GPHN: variants seen among roughly 807,000 people sequenced by gnomAD.
GPHN encodes the protein gephyrin.
GPHN carries 17 observed loss-of-function variants against 95.5 expected under a neutral mutation model. That is an observed-to-expected ratio of 0.18 (90% confidence interval 0.12 to 0.27). GPHN has a LOEUF of 0.27. Ranked by LOEUF, GPHN falls within the 10% of genes least tolerant of loss-of-function variation. The probability of loss-of-function intolerance (pLI) is 1.00; values close to 1 mark genes in which losing one functional copy is unlikely to be tolerated. For missense variants in GPHN, 660 were observed against 978.1 expected (o/e 0.67, Z 4.34); for synonymous variants, 320 against 322.5 (o/e 0.99, Z 0.08).
At chr14:67,284,572 A>C in the GPHN span, among the ~76,000 whole-genome samples, 1 of 144,304 alleles carries the variant, frequency 6.9e-6, no homozygotes, top group African/African-American at 2.5e-5. Context: ...AAAAAAAAAA[A>C]AAAAAAAAAA....
chr14:67,685,173 A>G, the GPHN span: 1 of 1,614,116 alleles, frequency 6.2e-7, no homozygotes, highest in Non-Finnish European at 8.5e-7. Context: ...GGACTGTGCC[A>G]GGGTGTACAG....
intron 1 of GPHN, among the ~76,000 whole-genome samples, chr14:66,586,962 T>C (rs1318583271): frequency 2.0e-5 from 3 of 152,032 alleles, no homozygotes; most frequent in African/African-American, 4.8e-5. Context: ...CAAAACAGAA[T>C]TGATTTTTTC....
At chr14:67,041,129 A>G (rs1197943092) in intron 10 of GPHN, among the ~76,000 whole-genome samples, 1 of 152,078 alleles carries the variant, frequency 6.6e-6, no homozygotes, top group Non-Finnish European at 1.5e-5. Flanking sequence ...ATTTATTCTC[A>G]GGCCAGCATA....
chr14:66,773,973 T>C (rs1015784652), intron 2 of GPHN, among the ~76,000 whole-genome samples: 2 of 150,552 alleles, frequency 1.3e-5, no homozygotes, highest in African/African-American at 4.9e-5. Context: ...CATAAGGTAA[T>C]TGAGCATCAT....
chr14:66,508,195 C>T lies in GPHN; in HGVS notation c.-333C>T, dbSNP rs1375769177. 1.6e-5 allele frequency: 8 copies of T among 501,210 alleles called. No individual in the cohort carries two copies. The highest frequency in any genetic ancestry group is 2.6e-5 in the Non-Finnish European group (7 of 274,032). 31.0% of individuals were successfully genotyped at this position (501,210 alleles called of 1,614,324 possible). ...TAGCTGCCTTGGGTCTCGCGCTCCG[C>T]AGAGCGTTCCGACACTCTCCGGCCT... On this transcript the variant is annotated 5_prime_UTR_variant, in exon 1 of 23. Transcript: ENST00000478722.
the GPHN span, among the ~76,000 whole-genome samples, chr14:67,395,941 C>G: frequency 6.6e-6 from 1 of 152,256 alleles, no homozygotes; most frequent in Non-Finnish European, 1.5e-5. Flanking sequence ...CCCATCTGAA[C>G]ACAAACCCCA....
chr14:67,066,826 C>T (rs888000533), intron 11 of GPHN, among the ~76,000 whole-genome samples: 1 of 152,134 alleles, frequency 6.6e-6, no homozygotes, highest in Non-Finnish European at 1.5e-5. Flanking sequence ...ATTAGCCATT[C>T]GTCTAACCTT....
At chr14:66,664,697 G>T (rs2065847902) in intron 1 of GPHN, among the ~76,000 whole-genome samples, 1 of 151,764 alleles carries the variant, frequency 6.6e-6, no homozygotes, top group Non-Finnish European at 1.5e-5. Flanking sequence ...TCCAGGAGTT[G>T]TTTTTTTGAA....
At chr14:67,566,842 G>T in the GPHN span, among the ~76,000 whole-genome samples, 1 of 152,056 alleles carries the variant, frequency 6.6e-6, no homozygotes, top group Non-Finnish European at 1.5e-5. Flanking sequence ...GAGGAATGGG[G>T]AGACGAGGAG....
the GPHN span, among the ~76,000 whole-genome samples, chr14:67,500,635 G>T: frequency 9.9e-4 from 147 of 148,502 alleles, 2 homozygotes; most frequent in Middle Eastern, 3.5e-3. Context: ...GCAGTGGCGC[G>T]ATCTCGGCTC....
intron 5 of GPHN, among the ~76,000 whole-genome samples, chr14:66,892,424 A>G (rs75501429): frequency 1.3e-5 from 2 of 152,288 alleles, no homozygotes; most frequent in East Asian, 3.9e-4. Flanking sequence ...CTGTCTCTTA[A>G]AGAATTGAAA....
At chr14:67,685,275 G>A in the GPHN span, 1 of 1,285,834 alleles carries the variant, frequency 7.8e-7, no homozygotes, top group South Asian at 1.4e-5. Flanking sequence ...AACAGAAAAG[G>A]ATGTAAATAA....
At chr14:66,631,264 G>C (rs1478708599) in intron 1 of GPHN, among the ~76,000 whole-genome samples, 1 of 151,880 alleles carries the variant, frequency 6.6e-6, no homozygotes, top group Non-Finnish European at 1.5e-5. Flanking sequence ...GGTCGGGCTG[G>C]TCTTGAACTC....
chr14:66,987,885 G>T (rs544332151), intron 9 of GPHN, among the ~76,000 whole-genome samples: 2 of 152,044 alleles, frequency 1.3e-5, no homozygotes, highest in South Asian at 4.1e-4. Context: ...AAGGAAAACC[G>T]AAAAGAGAAC....
chr14:67,519,335 C>T, the GPHN span, among the ~76,000 whole-genome samples: 3 of 152,158 alleles, frequency 2.0e-5, no homozygotes, highest in Non-Finnish European at 4.4e-5. Flanking sequence ...AAAACAAGCT[C>T]GAAAGGACTA....
chr14:67,179,672 C>T lies in GPHN; in HGVS notation c.2174C>T (p.Thr725Ile). Reference sequence around the variant, plus strand: ...GAACCACTACCTTGGGCACAGAGTACAGGTTAGTCATTCACATCTACAGAT... The same window carrying T: ...GAACCACTACCTTGGGCACAGAGTATAGGTTAGTCATTCACATCTACAGAT... ...HQEPLPWAQS[T>I]GNQMSSRLMS... is the part of the protein sequence containing the mutation. Residue 725 changes from threonine to isoleucine, a missense_variant and splice_region_variant, in exon 22 of 23, where the codon ACA becomes ATA. Physicochemically the swap from Thr to Ile is moderately conservative, Grantham distance 89. Around this residue, in one of 6 missense-constraint regions of GPHN, gnomAD observed 48 missense variants for 137.4 expected, o/e 0.35. Coordinates refer to ENST00000478722, the MANE Select transcript of GPHN (RefSeq NM_020806.5). The T allele has an allele frequency of 1.3e-6, 2 of 1,510,902 alleles. No homozygotes were observed. The highest frequency in any genetic ancestry group is 1.8e-6 in the Non-Finnish European group (2 of 1,085,710). 93.6% of individuals were successfully genotyped at this position (1,510,902 alleles called of 1,614,324 possible). A position where few individuals can be genotyped will look rare whatever the true frequency, so the allele number is the denominator to read the frequency against.
chr14:66,749,488 C>G (rs2058288154), intron 2 of GPHN, among the ~76,000 whole-genome samples: 1 of 151,948 alleles, frequency 6.6e-6, no homozygotes, highest in African/African-American at 2.4e-5. Flanking sequence ...TGTTGTTTCA[C>G]ATTCTTGCCA....
intron 2 of GPHN, among the ~76,000 whole-genome samples, chr14:66,756,778 A>T (rs1323326497): frequency 6.6e-6 from 1 of 152,178 alleles, no homozygotes; most frequent in East Asian, 1.9e-4. Context: ...CAGTTATTTT[A>T]CATGTGCTGA....
the GPHN span, chr14:67,660,133 G>A: frequency 2.8e-5 from 14 of 496,162 alleles, no homozygotes; most frequent in African/African-American, 2.3e-4. Context: ...AGGCATTCGA[G>A]TATATGAACT....
Sources: gnomAD v4.1 joint callset for allele counts (sites outside exome capture counted in the v4.1 genomes callset) on GRCh38, gnomAD v4.1.1 for gene constraint, gnomAD v4.1.1 regional missense constraint, MANE v1.5 for transcripts, NCBI Gene and HGNC (gene_info 2026-07-23, HGNC 2026-07-21) for gene names.